SGCD: variants seen among roughly 807,000 people sequenced by gnomAD.
SGCD encodes the protein sarcoglycan delta, also known as delta-sarcoglycan.
Under a neutral mutation model 36.6 loss-of-function variants are expected in SGCD, and 18 were observed. The ratio of observed to expected loss-of-function variants is 0.49; its 90% CI spans 0.34 to 0.73. The LOEUF is 0.73. Among genes scored for constraint, SGCD ranks in the 30% least tolerant of loss-of-function variants. SGCD has a pLI of 0.01. For missense variants in SGCD, 387 were observed against 346.7 expected, an observed-to-expected ratio of 1.12 and a Z score of -0.92; for synonymous variants, 133 against 130.6, an observed-to-expected ratio of 1.02 and a Z score of -0.12.
the SGCD span, among the ~76,000 whole-genome samples, chr5:155,780,899 C>G: frequency 3.4e-4 from 51 of 152,138 alleles, no homozygotes; most frequent in Non-Finnish European, 7.4e-4. Context: ...ATGTCTCTCA[C>G]ACTTTGTACA....
At chr5:155,730,121 G>T in the SGCD span, among the ~76,000 whole-genome samples, 1 of 152,156 alleles carries the variant, frequency 6.6e-6, no homozygotes. Context: ...AGAGCTGGAT[G>T]GAAGAAATTA....
chr5:156,277,994 G>A (rs1766359487), intron 3 of SGCD, among the ~76,000 whole-genome samples: 1 of 152,070 alleles, frequency 6.6e-6, no homozygotes. Flanking sequence ...TATGTGTTAA[G>A]GGAAAATAAT....
At chr5:156,014,928 C>T (rs1022867537) in intron 1 of SGCD, among the ~76,000 whole-genome samples, 4 of 152,220 alleles carry the variant, frequency 2.6e-5, no homozygotes, top group East Asian at 3.9e-4. Flanking sequence ...ACCATGTAAG[C>T]GATGCTATGT....
At chr5:156,596,553 A>C (rs1470415710) in intron 6 of SGCD, among the ~76,000 whole-genome samples, 1 of 152,126 alleles carries the variant, frequency 6.6e-6, no homozygotes, top group African/African-American at 2.4e-5. Flanking sequence ...CTGAAATTAT[A>C]TTTATCTCTG....
At chr5:156,552,197 A>G (rs1159888828) in intron 4 of SGCD, among the ~76,000 whole-genome samples, 1 of 152,138 alleles carries the variant, frequency 6.6e-6, no homozygotes, top group Non-Finnish European at 1.5e-5. Context: ...CTAGCACTGT[A>G]TTTCCCTCTT....
intron 1 of SGCD, among the ~76,000 whole-genome samples, chr5:155,981,964 T>C (rs976243992): frequency 1.3e-5 from 2 of 152,220 alleles, no homozygotes; most frequent in Admixed American, 1.3e-4. Flanking sequence ...TGGATTATTC[T>C]AACCAGGAAG....
chr5:156,291,594 A>G (rs145844009), intron 3 of SGCD, among the ~76,000 whole-genome samples: 1 of 152,194 alleles, frequency 6.6e-6, no homozygotes, highest in African/African-American at 2.4e-5. Context: ...TCTTGTGGTA[A>G]AATATCCACA....
intron 1 of SGCD, among the ~76,000 whole-genome samples, chr5:156,000,799 C>CACATATATATATATATATAT (rs1554110713): frequency 6.9e-6 from 1 of 145,212 alleles, no homozygotes; most frequent in African/African-American, 2.7e-5. Context: ...TTTCCTCACA[C>CACATATATATATATATATAT]ATATATATAT....
intron 3 of SGCD, among the ~76,000 whole-genome samples, chr5:156,287,593 A>T (rs995144598): frequency 6.6e-6 from 1 of 151,344 alleles, no homozygotes; most frequent in Non-Finnish European, 1.5e-5. Context: ...GGCCCTGGGC[A>T]TGCCACTCAG....
chr5:156,222,237 G>C (rs1764734325), intron 3 of SGCD, among the ~76,000 whole-genome samples: 1 of 152,046 alleles, frequency 6.6e-6, no homozygotes, highest in African/African-American at 2.4e-5. Context: ...ATGAGGGACA[G>C]GATACTGGGC....
At chr5:155,797,663 A>G in the SGCD span, among the ~76,000 whole-genome samples, 1 of 152,206 alleles carries the variant, frequency 6.6e-6, no homozygotes, top group Admixed American at 6.5e-5. Context: ...ATTTTGGCTC[A>G]AACTACTGTG....
chr5:156,539,591 A>T (rs533823399), intron 4 of SGCD, among the ~76,000 whole-genome samples: 1 of 152,142 alleles, frequency 6.6e-6, no homozygotes, highest in East Asian at 1.9e-4. Flanking sequence ...ACATTATTTC[A>T]TTCATTTTTA....
chr5:156,228,839 T>A (rs1408657206), intron 3 of SGCD, among the ~76,000 whole-genome samples: 1 of 152,056 alleles, frequency 6.6e-6, no homozygotes, highest in Non-Finnish European at 1.5e-5. Flanking sequence ...ATCCTTATAG[T>A]GGTGGTGTGA....
In SGCD at chr5:156,071,615, G is replaced by T. The variant is rs572763912; in HGVS notation, c.-281-46263G>T. Among the ~76,000 whole-genome samples the T allele has an allele frequency of 7.9e-5, 12 of 152,282 alleles. No homozygotes were observed. In the East Asian group the frequency reaches 2.3e-3, roughly 29 times the overall value. ...AAAAAAATGTATATTCTGTTGATTT[G>T]GGGTGGAGAGTTCTGTACATGTCTA... is the stretch of plus-strand genomic sequence containing the variant. On this transcript the variant is annotated intron_variant, in intron 1 of 9. Transcript: ENST00000517913.
intron 1 of SGCD, among the ~76,000 whole-genome samples, chr5:156,081,740 A>G (rs1048893678): frequency 3.8e-4 from 58 of 152,136 alleles, no homozygotes; most frequent in African/African-American, 1.4e-3. Context: ...CTGTAAGGGC[A>G]AAGGGAAAAC....
intron 3 of SGCD, among the ~76,000 whole-genome samples, chr5:156,354,665 G>C (rs138988026): frequency 2.6e-5 from 4 of 152,272 alleles, no homozygotes; most frequent in African/African-American, 9.6e-5. Context: ...TTCACACATG[G>C]AAACTTCAGT....
chr5:156,750,619 C>G lies in SGCD; in HGVS notation c.576-6962C>G, dbSNP rs139655380. On this transcript the variant is annotated intron_variant, in intron 7 of 8. Coordinates refer to ENST00000337851, the MANE Select transcript of SGCD (RefSeq NM_000337.6). ...CAAGATTGCGCCACCGCACTTCAGC[C>G]TGGGCAACAAGAGTGAAACTCTGTC... is the stretch of plus-strand genomic sequence containing the variant. Among the ~76,000 whole-genome samples, 4 of 150,482 alleles carry G rather than the reference C, an allele frequency of 2.7e-5. No individual in the cohort carries two copies. In the East Asian group the frequency reaches 7.8e-4, roughly 29 times the overall value.
the SGCD span, among the ~76,000 whole-genome samples, chr5:155,789,047 G>C: frequency 6.6e-5 from 10 of 152,200 alleles, no homozygotes; most frequent in African/African-American, 1.9e-4. Flanking sequence ...GATATATAAG[G>C]ATACAAGTAT....
At chr5:155,868,854 C>T (rs927218245), upstream of SGCD, among the ~76,000 whole-genome samples, 1 of 152,078 alleles carries the variant, frequency 6.6e-6, no homozygotes, top group Non-Finnish European at 1.5e-5. Flanking sequence ...ATTCAGAGTG[C>T]AGATAGAGGA....
Sources: allele counts gnomAD v4.1 joint callset (sites outside exome capture counted in the v4.1 genomes callset), GRCh38; gene constraint gnomAD v4.1.1; transcripts MANE v1.5; gene names NCBI Gene and HGNC (gene_info 2026-07-23, HGNC 2026-07-21).